The following PPTC7 variants were observed in gnomAD, a reference collection of about 807,000 sequenced individuals.
PPTC7 encodes the protein protein phosphatase targeting COQ7, also known as protein phosphatase PTC7 homolog.
A neutral mutation model predicts 30.8 loss-of-function variants in PPTC7; 6 were observed. The ratio of observed to expected loss-of-function variants is 0.19; its 90% CI spans 0.11 to 0.38. PPTC7 has a LOEUF of 0.38. Ranked by LOEUF, PPTC7 falls within the 10% of genes least tolerant of loss-of-function variation. The pLI is 1.00. For synonymous variants in PPTC7, 163 were observed against 168.1 expected (o/e 0.97, Z 0.23); for missense variants, 218 against 404.8 (o/e 0.54, Z 3.96).
At chr12:110,580,632 G>A (rs1310425941) in intron 1 of PPTC7, among the ~76,000 whole-genome samples, 5 of 152,134 alleles carry the variant, frequency 3.3e-5, no homozygotes, top group Admixed American at 1.3e-4. Context: ...GAGCCACCAC[G>A]CCCGGTCTAG....
At chr12:110,568,527 C>T (rs369072738) in intron 1 of PPTC7, among the ~76,000 whole-genome samples, 7 of 152,336 alleles carry the variant, frequency 4.6e-5, no homozygotes, top group African/African-American at 1.7e-4. Context: ...GCTGGGATTA[C>T]AGGCGTGAGC....
chr12:110,580,759 AT>A (rs934273025), intron 1 of PPTC7, among the ~76,000 whole-genome samples: 2 of 146,518 alleles, frequency 1.4e-5, no homozygotes, highest in African/African-American at 2.5e-5. Context: ...TTTTTATTTT[AT>A]TTTTTTTTTG....
At chr12:110,571,990 C>A (rs978310449) in intron 1 of PPTC7, among the ~76,000 whole-genome samples, 5 of 152,202 alleles carry the variant, frequency 3.3e-5, no homozygotes, top group Non-Finnish European at 7.3e-5. Flanking sequence ...ATCTTATTTT[C>A]TTGCCCCAAA....
At position 110,538,202 on chromosome 12, in the gene PPTC7, G is replaced by A. The variant is rs1274197958; in HGVS notation, c.798C>T (p.Asp266=). ...GTGCAAAAGGTGACATATAATTTGG[G>A]TCATAGGCCAGCTCATGAGCTTGCT... ...IAEQAHELAY[D]PNYMSPFAQF... The change falls in exon 5 of 6, where the codon GAC becomes GAT. Residue 266 remains aspartate (D), a synonymous_variant. Transcript: ENST00000354300. 4 of 1,614,120 alleles carry A rather than the reference G, an allele frequency of 2.5e-6. No individual in the cohort carries two copies. Among genetic ancestry groups the A allele is most frequent in the Non-Finnish European group, 8.5e-7 (1 of 1,179,982 alleles).
rs1437712635 is a variant in PPTC7, at chr12:110,562,824, GAAGA to G, written c.224-10860_224-10857del. On this transcript the variant is annotated intron_variant, in intron 1 of 5. Coordinates refer to ENST00000354300, the MANE Select transcript of PPTC7 (RefSeq NM_139283.2). ...GAAAAAAGAAGAGGAAAAAAAAAAA[GAAGA>G]AAGATGTTTCTGGCCAGTCGCGGTG... 2.7e-5 allele frequency among the ~76,000 whole-genome samples: 4 copies of G among 150,192 alleles called. 1 individual carries two copies. In the South Asian group the frequency reaches 6.3e-4, roughly 24 times the overall value.
chr12:110,551,873 C>G lies in PPTC7; in HGVS notation c.319G>C (p.Glu107Gln). Residue 107 changes from glutamate to glutamine, a missense_variant, in exon 2 of 6, where the codon GAA becomes CAA. Transcript: ENST00000354300. Reference protein sequence around the residue: ...LMRTCERLVKEGRFVPSNPIG... With the variant: ...LMRTCERLVKQGRFVPSNPIG... Reference sequence around the variant, plus strand: ...GGATTACTAGGTACGAACCGTCCTTCTTTTACTAAACGTTCACACGTCCGC... The same window carrying G: ...GGATTACTAGGTACGAACCGTCCTTGTTTTACTAAACGTTCACACGTCCGC... The G allele has an allele frequency of 1.9e-6, 3 of 1,614,154 alleles. No individual in the cohort carries two copies. Among genetic ancestry groups the G allele is most frequent in the Non-Finnish European group, 2.5e-6 (3 of 1,180,004 alleles).
intron 2 of PPTC7, 150 bp from the exon 3 acceptor site, chr12:110,546,228 C>T (rs539465706): frequency 1.7e-5 from 11 of 630,120 alleles, no homozygotes; most frequent in Admixed American, 1.1e-4. Flanking sequence ...ACATCCTCTA[C>T]GAATATCAAT....
chr12:110,556,663 A>G (rs1022693110), intron 1 of PPTC7, among the ~76,000 whole-genome samples: 4 of 152,228 alleles, frequency 2.6e-5, no homozygotes, highest in Non-Finnish European at 5.9e-5. Flanking sequence ...ACAGCAAAGG[A>G]TAAGAATAAG....
Position 110,577,166 on chromosome 12 carries a change from C to CAAAA in PPTC7, c.223+5639_223+5642dup, listed in dbSNP as rs34958891. Among the ~76,000 whole-genome samples the CAAAA allele has an allele frequency of 6.5e-4, 53 of 81,146 alleles. 1 individual carries two copies. Among genetic ancestry groups the CAAAA allele is most frequent in the African/African-American group, 2.2e-3 (42 of 18,830 alleles). 53.2% of individuals were successfully genotyped at this position (81,146 alleles called of 152,430 possible). A position where few individuals can be genotyped will look rare whatever the true frequency, so the allele number is the denominator to read the frequency against. ...TGGGCACAAGGGCGAGACTCTGTCT[C>CAAAA]AAAAAAAAAAAAAAAAAAAAAATTC... On this transcript the variant is annotated intron_variant, in intron 1 of 5. Transcript: ENST00000354300.
chr12:110,563,122 C>CA (rs766517371), intron 1 of PPTC7, among the ~76,000 whole-genome samples: 2,873 of 43,022 alleles, frequency 0.067, 271 homozygotes, highest in East Asian at 0.21. Context: ...GACTCCATCT[C>CA]AAAAAAAAAA....
At chr12:110,575,466 C>T (rs2064580574) in intron 1 of PPTC7, among the ~76,000 whole-genome samples, 1 of 151,894 alleles carries the variant, frequency 6.6e-6, no homozygotes, top group African/African-American at 2.4e-5. Context: ...CATTCTAACC[C>T]GGTGTAGTGC....
intron 1 of PPTC7, among the ~76,000 whole-genome samples, chr12:110,571,094 G>A (rs35072273): frequency 3.9e-5 from 6 of 152,190 alleles, no homozygotes; most frequent in African/African-American, 1.2e-4. Context: ...TCCCGAGGAC[G>A]TCTACAGTCA....
intron 1 of PPTC7, among the ~76,000 whole-genome samples, chr12:110,576,635 C>T (rs895617137): frequency 2.0e-5 from 3 of 152,060 alleles, no homozygotes; most frequent in Admixed American, 6.6e-5. Flanking sequence ...ACATATTACA[C>T]GATCCATTTG....
In PPTC7 at chr12:110,583,035, C is replaced by T; in HGVS notation, c.-4G>A. The T allele has an allele frequency of 1.4e-6, 2 of 1,399,166 alleles. No homozygotes were observed. Among genetic ancestry groups the T allele is most frequent in the Non-Finnish European group, 1.8e-6 (2 of 1,086,984 alleles). 86.7% of individuals were successfully genotyped at this position (1,399,166 alleles called of 1,614,324 possible). On this transcript the variant is annotated 5_prime_UTR_variant, in exon 1 of 6. Transcript: ENST00000354300. ...CGTACGAGAGGACCGAGAACATCGC[C>T]GCCGCCGCCCCCCCGAGGAGGCGGG...
intron 2 of PPTC7, among the ~76,000 whole-genome samples, chr12:110,551,020 C>T (rs1324715855): frequency 6.6e-6 from 1 of 152,178 alleles, no homozygotes; most frequent in Non-Finnish European, 1.5e-5. Flanking sequence ...TGGAATTCTG[C>T]AATGTTCTCT....
intron 1 of PPTC7, among the ~76,000 whole-genome samples, chr12:110,574,611 C>A (rs192760388): frequency 2.6e-5 from 4 of 152,246 alleles, no homozygotes; most frequent in Admixed American, 2.6e-4. Flanking sequence ...AAGAGCTGTG[C>A]CAGTTGTCAA....
At chr12:110,547,571 A>G (rs1242271940) in intron 2 of PPTC7, among the ~76,000 whole-genome samples, 1 of 152,234 alleles carries the variant, frequency 6.6e-6, no homozygotes, top group Non-Finnish European at 1.5e-5. Flanking sequence ...CCTTAACAAC[A>G]ACAAAAAAAG....
Position 110,576,596 on chromosome 12 carries a change from C to T in PPTC7, c.223+6213G>A, listed in dbSNP as rs12815335. On this transcript the variant is annotated intron_variant, in intron 1 of 5. Coordinates refer to ENST00000354300, the MANE Select transcript of PPTC7 (RefSeq NM_139283.2). ...AACATGGATGAACTCTGAAAACATG[C>T]TAAGGGAAAACATGCTAAGGAAAAG... 3.3e-5 allele frequency among the ~76,000 whole-genome samples: 5 copies of T among 152,238 alleles called. No individual in the cohort carries two copies. The South Asian group carries it at 1.0e-3, about 32-fold the overall frequency.
Position 110,538,216 on chromosome 12 carries a change from C to T in PPTC7, c.784G>A (p.Glu262Lys). The T allele has an allele frequency of 6.2e-7, 1 of 1,614,094 alleles. No homozygotes were observed. The highest frequency in any genetic ancestry group is 8.5e-7 in the Non-Finnish European group (1 of 1,179,910). ...ATATAATTTGGGTCATAGGCCAGCT[C>T]ATGAGCTTGCTCAGCAATGCTTCTG... is the stretch of plus-strand genomic sequence containing the variant. ...TARSIAEQAH[E>K]LAYDPNYMSP... The change falls in exon 5 of 6, where the codon GAG becomes AAG. Residue 262 changes from glutamate (E) to lysine (K), a missense_variant. Coordinates refer to ENST00000354300, the MANE Select transcript of PPTC7 (RefSeq NM_139283.2).
Sources: allele counts gnomAD v4.1 joint callset (sites outside exome capture counted in the v4.1 genomes callset), GRCh38; gene constraint gnomAD v4.1.1; transcripts MANE v1.5; gene names NCBI Gene and HGNC (gene_info 2026-07-23, HGNC 2026-07-21).